TG: variants seen among roughly 807,000 people sequenced by gnomAD.
TG encodes the protein thyroglobulin.
In TG, 270 loss-of-function variants were observed where a neutral mutation model predicts 324.7. The observed-to-expected ratio is 0.83, with a 90% CI of 0.75 to 0.92. The LOEUF is 0.92. Among genes scored for constraint, TG ranks in the 40% least tolerant of loss-of-function variants. TG has a pLI of 0.00. For missense variants in TG, 3,591 were observed against 3,456.4 expected (o/e 1.04, Z -0.98); for synonymous variants, 1,401 against 1,327.0 (o/e 1.06, Z -1.21).
At chr8:132,957,152 T>C (rs1284746349) in intron 27 of TG, among the ~76,000 whole-genome samples, 1 of 152,150 alleles carries the variant, frequency 6.6e-6, no homozygotes, top group Non-Finnish European at 1.5e-5. Flanking sequence ...GTTATAACTT[T>C]CCTTGTGGTG....
intron 25 of TG, among the ~76,000 whole-genome samples, chr8:132,939,821 C>G (rs559690098): frequency 6.6e-6 from 1 of 152,032 alleles, no homozygotes; most frequent in South Asian, 2.1e-4. Context: ...GGACTACAGA[C>G]GTGCACCATC....
At chr8:132,927,891 A>G (rs1461216855) in intron 22 of TG, among the ~76,000 whole-genome samples, 1 of 152,230 alleles carries the variant, frequency 6.6e-6, no homozygotes, top group Non-Finnish European at 1.5e-5. Flanking sequence ...ACTAAAGGGT[A>G]TAAAAATATA....
intron 41 of TG, chr8:133,038,447 C>A (rs942166549): frequency 1.7e-6 from 2 of 1,194,570 alleles, no homozygotes; most frequent in African/African-American, 1.5e-5. Context: ...ATCAGGGAAC[C>A]TCGCTTTTCG....
intron 28 of TG, among the ~76,000 whole-genome samples, chr8:132,962,531 C>T (rs1827908293): frequency 6.6e-6 from 1 of 152,210 alleles, no homozygotes; most frequent in Non-Finnish European, 1.5e-5. Flanking sequence ...ACCTGCACTG[C>T]CACAGGCTCA....
chr8:132,890,487 T>C (rs971044404), intron 10 of TG, among the ~76,000 whole-genome samples: 1 of 152,158 alleles, frequency 6.6e-6, no homozygotes, highest in Admixed American at 6.6e-5. Context: ...ACCCCACCTA[T>C]TGAATCAAAA....
At chr8:133,076,637 C>CT (rs1844907800) in intron 41 of TG, 1 of 151,642 alleles carries the variant, frequency 6.6e-6, no homozygotes, top group Non-Finnish European at 1.5e-5. Flanking sequence ...TTTGTGATGA[C>CT]TTTTTAATAG....
chr8:133,033,689 C>T (rs1444032024), intron 41 of TG, among the ~76,000 whole-genome samples: 1 of 152,214 alleles, frequency 6.6e-6, no homozygotes, highest in East Asian at 1.9e-4. Context: ...CTGTGTTCAG[C>T]ATATCCAGTA....
rs1474140522 is a variant in TG, at chr8:133,009,464, G to A, written c.6263-2437G>A. Among the ~76,000 whole-genome samples the A allele has an allele frequency of 3.9e-5, 6 of 152,160 alleles. No homozygotes were observed. In the East Asian group the frequency reaches 9.7e-4, roughly 25 times the overall value. On this transcript the variant is annotated intron_variant, in intron 35 of 47. Coordinates refer to ENST00000220616, the MANE Select transcript of TG (RefSeq NM_003235.5). ...TGGAGGTTTACCTTCCTCTTGCCGG[G>A]CCTGGGTGAAACATTATGTTATTTG...
intron 43 of TG, among the ~76,000 whole-genome samples, chr8:133,113,121 A>C (rs143436545): frequency 2.4e-4 from 36 of 152,320 alleles, no homozygotes; most frequent in African/African-American, 7.2e-4. Context: ...GGTTAACCTT[A>C]ACAGAGCACT....
chr8:132,882,723 A>G, intron 7 of TG, 91 bp from the exon 8 acceptor site: 2 of 1,612,422 alleles, frequency 1.2e-6, no homozygotes, highest in Non-Finnish European at 8.5e-7. Context: ...GGCAGAGATG[A>G]AAAGAATCGT....
At position 133,113,532 on chromosome 8, in the gene TG, A is replaced by G. The variant is rs1460748882; in HGVS notation, c.7683A>G (p.Thr2561=). 9.3e-6 allele frequency: 15 copies of G among 1,614,136 alleles called. No homozygotes were observed. Among genetic ancestry groups the G allele is most frequent in the South Asian group, 5.5e-5 (5 of 91,082 alleles). Residue 2561 remains threonine, a synonymous_variant, in exon 44 of 48, where the codon ACA becomes ACG. Coordinates refer to ENST00000220616, the MANE Select transcript of TG (RefSeq NM_003235.5). ...ATGCCCGCGTCGAGGCTGCTGCTACATGGTATTACTCTCTGGAGCACTCCA... is the reference window on the plus strand; with the variant it reads ...ATGCCCGCGTCGAGGCTGCTGCTACGTGGTATTACTCTCTGGAGCACTCCA... ...DSDARVEAAA[T]WYYSLEHSTD...
chr8:133,071,062 A>G (rs934484418), intron 41 of TG, among the ~76,000 whole-genome samples: 1 of 152,170 alleles, frequency 6.6e-6, no homozygotes, highest in African/African-American at 2.4e-5. Flanking sequence ...TCGCCTTTCT[A>G]TAAGTAGTGA....
chr8:132,996,794 T>A (rs1160628725), intron 35 of TG, among the ~76,000 whole-genome samples: 1 of 152,146 alleles, frequency 6.6e-6, no homozygotes, highest in Admixed American at 6.5e-5. Context: ...TAAGGGATGA[T>A]ATGAATTTAT....
At chr8:133,107,009 C>T (rs1849860611) in intron 43 of TG, among the ~76,000 whole-genome samples, 1 of 152,178 alleles carries the variant, frequency 6.6e-6, no homozygotes, top group South Asian at 2.1e-4. Context: ...TTCTCACCTG[C>T]CTTGCTGATT....
chr8:132,944,489 A>T (rs937790942), intron 26 of TG, among the ~76,000 whole-genome samples: 25 of 152,286 alleles, frequency 1.6e-4, no homozygotes, highest in African/African-American at 6.0e-4. Context: ...GCTATGAAAG[A>T]GTTATTTATC....
chr8:133,099,945 A>G (rs1848998314), intron 43 of TG, among the ~76,000 whole-genome samples: 1 of 152,222 alleles, frequency 6.6e-6, no homozygotes, highest in Non-Finnish European at 1.5e-5. Flanking sequence ...CACAGTAGCC[A>G]GAGCAATCCC....
chr8:132,900,311 G>A lies in TG; in HGVS notation c.3405G>A (p.Leu1135=). Residue 1135 remains leucine, a synonymous_variant, in exon 15 of 48, where the codon TTG becomes TTA. Coordinates refer to ENST00000220616, the MANE Select transcript of TG (RefSeq NM_003235.5). The stretch of plus-strand genomic sequence containing the variant: ...TGGACCCTGCATCAGGAGAAGAGTT[G>A]CGGCCTGGCTCGAGCAGCAGTGCCC... ...WCVDPASGEE[L]RPGSSSSAQC... 6.2e-7 allele frequency: 1 copy of A among 1,613,750 alleles called. No individual in the cohort carries two copies. Among genetic ancestry groups the A allele is most frequent in the Non-Finnish European group, 8.5e-7 (1 of 1,179,928 alleles).
intron 29 of TG, 96 bp from the exon 30 acceptor site, chr8:132,966,464 C>CTGGG: frequency 8.7e-7 from 1 of 1,150,306 alleles, no homozygotes; most frequent in Non-Finnish European, 1.3e-6. Flanking sequence ...CTGTCTCTCT[C>CTGGG]TCTGTGTGTG....
At chr8:132,907,032 C>T in intron 17 of TG, 132 bp downstream of exon 17, 1 of 957,954 alleles carries the variant, frequency 1.0e-6, no homozygotes, top group Admixed American at 2.0e-5. Flanking sequence ...CAGATGGCAC[C>T]AAGAGATGGG....
Sources: allele counts gnomAD v4.1 joint callset (sites outside exome capture counted in the v4.1 genomes callset), GRCh38; gene constraint gnomAD v4.1.1; transcripts MANE v1.5; gene names NCBI Gene and HGNC (gene_info 2026-07-23, HGNC 2026-07-21).